Variants in ZNF69 observed in about 807,000 individuals in gnomAD.
ZNF69 encodes the protein zinc finger protein 69.
Under a neutral mutation model 50.9 loss-of-function variants are expected in ZNF69, and 47 were observed. The observed-to-expected ratio is 0.92, with a 90% confidence interval of 0.73 to 1.18. The LOEUF (loss-of-function observed/expected upper bound fraction) is 1.18, where lower values mean the gene tolerates loss of function less well. Among genes scored for constraint, ZNF69 ranks in the 50% most tolerant of loss-of-function variants. The pLI is 0.00. For missense variants in ZNF69, 717 were observed against 675.1 expected, an observed-to-expected ratio of 1.06 and a Z score of -0.69; for synonymous variants, 216 against 223.1, an observed-to-expected ratio of 0.97 and a Z score of 0.29.
the ZNF69 span, among the ~76,000 whole-genome samples, chr19:11,928,241 C>T: frequency 1.1e-4 from 17 of 152,294 alleles, no homozygotes; most frequent in South Asian, 3.5e-3. Flanking sequence ...CTTCCTTGGC[C>T]TCCAAAAGTG....
chr19:11,908,538 A>G (rs1047902896), downstream of ZNF69, among the ~76,000 whole-genome samples: 1 of 152,222 alleles, frequency 6.6e-6, no homozygotes, highest in African/African-American at 2.4e-5. Context: ...CCACTCAAAT[A>G]CATGGAAACT....
At chr19:11,888,137 C>T (rs1328212694) in intron 1 of ZNF69, 151 bp downstream of exon 1, 3 of 631,094 alleles carry the variant, frequency 4.8e-6, no homozygotes, top group Non-Finnish European at 8.1e-6. Flanking sequence ...GTCCCCTCGA[C>T]TGCTCGGTGT....
At chr19:11,951,959 G>A in the ZNF69 span, among the ~76,000 whole-genome samples, 2 of 152,192 alleles carry the variant, frequency 1.3e-5, no homozygotes, top group East Asian at 1.9e-4. Flanking sequence ...CGGATCACCT[G>A]AGGTCAATAC....
Position 11,904,731 on chromosome 19 carries a change from C to A in ZNF69, c.334C>A (p.Leu112Met). 6.2e-7 allele frequency: 1 copy of A among 1,613,926 alleles called. No homozygotes were observed. Among genetic ancestry groups the A allele is most frequent in the South Asian group, 1.1e-5 (1 of 91,074 alleles). The change falls in exon 4 of 4, where the codon CTG becomes ATG. Residue 112 changes from leucine (L) to methionine (M), a missense_variant. Leu to Met is a conservative substitution (Grantham distance 15). Coordinates refer to ENST00000429654, the MANE Select transcript of ZNF69 (RefSeq NM_001364730.1). ...ETFTQVPDDR[L>M]NFQEKKASPE... Reference sequence around the variant, plus strand: ...TTTTACCCAGGTTCCAGATGACAGGCTGAACTTCCAGGAGAAGAAAGCTTC... The same window carrying A: ...TTTTACCCAGGTTCCAGATGACAGGATGAACTTCCAGGAGAAGAAAGCTTC...
the ZNF69 span, chr19:11,926,737 T>C: frequency 6.5e-6 from 1 of 154,322 alleles, no homozygotes; most frequent in African/African-American, 2.4e-5. Flanking sequence ...TAAGCTTTTA[T>C]AAGTTACGTG....
intron 1 of ZNF69, among the ~76,000 whole-genome samples, chr19:11,899,231 CT>C (rs374753536): frequency 5.9e-5 from 9 of 152,174 alleles, no homozygotes; most frequent in African/African-American, 1.9e-4. Flanking sequence ...AGACTTGCTT[CT>C]TTCATGTAAA....
At chr19:11,918,641 A>G (rs1018984569), downstream of ZNF69, among the ~76,000 whole-genome samples, 3 of 151,738 alleles carry the variant, frequency 2.0e-5, no homozygotes, top group Admixed American at 6.6e-5. Flanking sequence ...TTTTGTAGAG[A>G]CAAGGGTGTC....
At chr19:11,900,420 T>A (rs534388132) in intron 1 of ZNF69, among the ~76,000 whole-genome samples, 1 of 152,046 alleles carries the variant, frequency 6.6e-6, no homozygotes, top group East Asian at 1.9e-4. Context: ...TGGCGTGATC[T>A]CGGCTCACTG....
At chr19:11,951,066 G>T in the ZNF69 span, among the ~76,000 whole-genome samples, 54 of 147,222 alleles carry the variant, frequency 3.7e-4, no homozygotes, top group Non-Finnish European at 4.6e-4. Context: ...CAGGAGAATC[G>T]CTTGAACCTG....
chr19:11,889,535 G>A (rs574535111), intron 1 of ZNF69, among the ~76,000 whole-genome samples: 16 of 152,086 alleles, frequency 1.1e-4, no homozygotes, highest in Non-Finnish European at 2.1e-4. Context: ...GCTCAATCTC[G>A]GCTCACTGCA....
the ZNF69 span, among the ~76,000 whole-genome samples, chr19:11,921,189 T>C: frequency 6.6e-6 from 1 of 152,142 alleles, no homozygotes; most frequent in East Asian, 1.9e-4. Context: ...TTTTTTTCTT[T>C]AAGAAACATA....
At chr19:11,928,694 T>A in the ZNF69 span, among the ~76,000 whole-genome samples, 1 of 136,398 alleles carries the variant, frequency 7.3e-6, no homozygotes, top group East Asian at 2.1e-4. Flanking sequence ...ATCCCGCCAC[T>A]GCATTCCAGC....
At chr19:11,963,179 T>G in the ZNF69 span, among the ~76,000 whole-genome samples, 1 of 151,812 alleles carries the variant, frequency 6.6e-6, no homozygotes, top group Non-Finnish European at 1.5e-5. Flanking sequence ...AGCCTCAAAC[T>G]TTGAGGCTCA....
the ZNF69 span, among the ~76,000 whole-genome samples, chr19:11,946,323 G>A: frequency 1.1e-4 from 17 of 152,292 alleles, no homozygotes; most frequent in African/African-American, 3.8e-4. Flanking sequence ...CACAGGTGCT[G>A]TGGGCTCAGG....
chr19:11,965,149 G>T, the ZNF69 span: 1 of 1,612,288 alleles, frequency 6.2e-7, no homozygotes, highest in East Asian at 2.2e-5. Context: ...CTCCTGCGCT[G>T]TGCCCTTCTG....
chr19:11,918,032 C>T (rs545852021), downstream of ZNF69, among the ~76,000 whole-genome samples: 18 of 152,020 alleles, frequency 1.2e-4, no homozygotes, highest in African/African-American at 1.9e-4. Flanking sequence ...GTGATCCACC[C>T]GCCTCGGCCT....
the ZNF69 span, among the ~76,000 whole-genome samples, chr19:11,967,427 C>T: frequency 2.6e-5 from 4 of 151,558 alleles, no homozygotes; most frequent in South Asian, 2.1e-4. Flanking sequence ...TTTTTTGAGA[C>T]GGAGTCTCGC....
intron 1 of ZNF69, among the ~76,000 whole-genome samples, chr19:11,897,604 A>G (rs1219039801): frequency 6.6e-6 from 1 of 150,504 alleles, no homozygotes; most frequent in Non-Finnish European, 1.5e-5. Flanking sequence ...CAGGTGCGGT[A>G]GCTCACGTCT....
chr19:11,933,286 A>G, the ZNF69 span, among the ~76,000 whole-genome samples: 21 of 148,384 alleles, frequency 1.4e-4, 5 homozygotes, highest in African/African-American at 5.5e-4. Flanking sequence ...CAAGGAAACC[A>G]TATTGACTGT....
Sources: allele counts gnomAD v4.1 joint callset (sites outside exome capture counted in the v4.1 genomes callset), GRCh38; gene constraint gnomAD v4.1.1; transcripts MANE v1.5; gene names NCBI Gene and HGNC (gene_info 2026-07-23, HGNC 2026-07-21).